SGCD: variants seen among roughly 807,000 people sequenced by gnomAD.
The protein encoded by SGCD is delta-sarcoglycan.
SGCD carries 18 observed loss-of-function variants against 36.6 expected under a neutral mutation model. The observed-to-expected ratio is 0.49, with a 90% CI of 0.34 to 0.73. SGCD has a LOEUF of 0.73. Ranked by LOEUF, SGCD falls within the 30% of genes least tolerant of loss-of-function variation. The probability of loss-of-function intolerance (pLI) is 0.01; values close to 1 mark genes in which losing one functional copy is unlikely to be tolerated. For missense variants in SGCD, 387 were observed against 346.7 expected (o/e 1.12, Z -0.92); for synonymous variants, 133 against 130.6 (o/e 1.02, Z -0.12).
chr5:156,580,387 T>C (rs1368086490), intron 4 of SGCD, among the ~76,000 whole-genome samples: 2 of 152,196 alleles, frequency 1.3e-5, no homozygotes, highest in Admixed American at 1.3e-4. Flanking sequence ...GACAATTATG[T>C]GTCTTGGGGT....
At chr5:156,335,854 C>T (rs1768326474) in intron 2 of SGCD, among the ~76,000 whole-genome samples, 1 of 152,186 alleles carries the variant, frequency 6.6e-6, no homozygotes, top group African/African-American at 2.4e-5. Context: ...CAGCTTCTCA[C>T]CCACCTGTCT....
At chr5:156,398,291 G>A (rs1178114359) in intron 3 of SGCD, among the ~76,000 whole-genome samples, 1 of 152,162 alleles carries the variant, frequency 6.6e-6, no homozygotes, top group Admixed American at 6.6e-5. Context: ...TGGAAAACCC[G>A]GAATGAAGAA....
At chr5:155,758,192 G>A in the SGCD span, among the ~76,000 whole-genome samples, 1 of 152,026 alleles carries the variant, frequency 6.6e-6, no homozygotes, top group Admixed American at 6.6e-5. Context: ...TTTAGAACAT[G>A]GGAAAAAGGA....
intron 4 of SGCD, among the ~76,000 whole-genome samples, chr5:156,531,162 C>T (rs1757874633): frequency 6.6e-6 from 1 of 152,176 alleles, no homozygotes; most frequent in Non-Finnish European, 1.5e-5. Context: ...CTCCTGTCTC[C>T]TCTTCTGCCA....
chr5:156,425,150 T>A (rs1235245212), intron 3 of SGCD, among the ~76,000 whole-genome samples: 1 of 152,090 alleles, frequency 6.6e-6, no homozygotes, highest in Non-Finnish European at 1.5e-5. Flanking sequence ...CCCAATACGT[T>A]AACTCTTTTC....
intron 3 of SGCD, among the ~76,000 whole-genome samples, chr5:156,372,305 T>C (rs2127740777): frequency 6.6e-6 from 1 of 152,374 alleles, no homozygotes; most frequent in African/African-American, 2.4e-5. Flanking sequence ...TAATCCATTA[T>C]TTGACTTGCA....
rs1760165785 is a variant in SGCD at position 156,060,141 on chromosome 5, A to C, written c.-281-57737A>C. 1.4e-5 allele frequency among the ~76,000 whole-genome samples: 2 copies of C among 146,504 alleles called. 1 individual carries two copies. Among genetic ancestry groups the C allele is most frequent in the Non-Finnish European group, 3.1e-5 (2 of 65,016 alleles). On this transcript the variant is annotated intron_variant, in intron 1 of 9. Transcript: ENST00000517913. ...CAGACTATTTCAAAGGAGTTTTAGAACCCCAATCGTCCAATTGCCTACTTC... is the reference window on the plus strand; with the variant it reads ...CAGACTATTTCAAAGGAGTTTTAGACCCCCAATCGTCCAATTGCCTACTTC...
chr5:156,073,685 A>G (rs1032937673), intron 1 of SGCD, among the ~76,000 whole-genome samples: 8 of 152,248 alleles, frequency 5.3e-5, no homozygotes, highest in Non-Finnish European at 1.0e-4. Flanking sequence ...GAGAAATTCA[A>G]GAGACTAAGC....
intron 7 of SGCD, among the ~76,000 whole-genome samples, chr5:156,687,563 T>C (rs1366958513): frequency 6.6e-6 from 1 of 152,152 alleles, no homozygotes; most frequent in African/African-American, 2.4e-5. Context: ...GCCCAAAATG[T>C]TACTGTTATC....
chr5:155,943,905 C>T (rs1386501050), intron 1 of SGCD, among the ~76,000 whole-genome samples: 1 of 152,176 alleles, frequency 6.6e-6, no homozygotes, highest in African/African-American at 2.4e-5. Flanking sequence ...AAAGCAGCCC[C>T]TTTATTGTCG....
intron 3 of SGCD, among the ~76,000 whole-genome samples, chr5:156,488,107 T>TTTTG (rs1554107891): frequency 2.1e-5 from 3 of 140,720 alleles, no homozygotes; most frequent in African/African-American, 8.2e-5. Flanking sequence ...GGTTTTTTTT[T>TTTTG]TTTTTTTTTT....
chr5:156,214,699 A>G (rs958044267), intron 3 of SGCD, among the ~76,000 whole-genome samples: 1 of 152,116 alleles, frequency 6.6e-6, no homozygotes, highest in Non-Finnish European at 1.5e-5. Flanking sequence ...TTCAAATTAT[A>G]TTTCAAAGCT....
At chr5:156,256,032 CATT>C in intron 3 of SGCD, among the ~76,000 whole-genome samples, 1 of 152,282 alleles carries the variant, frequency 6.6e-6, no homozygotes, top group African/African-American at 2.4e-5. Context: ...GTTCTGCTCA[CATT>C]ATATCTAAAT....
chr5:155,868,630 C>T (rs890015097), upstream of SGCD, among the ~76,000 whole-genome samples: 5 of 151,900 alleles, frequency 3.3e-5, no homozygotes, highest in African/African-American at 9.7e-5. Context: ...TCTAGCAAAA[C>T]CAGTCTGTAT....
At chr5:156,355,457 T>G (rs938456143) in intron 3 of SGCD, among the ~76,000 whole-genome samples, 2 of 151,212 alleles carry the variant, frequency 1.3e-5, no homozygotes, top group Admixed American at 1.3e-4. Context: ...TATTCTTAAT[T>G]GGAAAAGTTC....
At chr5:156,079,105 C>G (rs147568677) in intron 1 of SGCD, among the ~76,000 whole-genome samples, 47 of 151,146 alleles carry the variant, frequency 3.1e-4, no homozygotes, top group African/African-American at 1.0e-3. Context: ...TGGTGGAAGG[C>G]AAAGGGGGAG....
intron 7 of SGCD, among the ~76,000 whole-genome samples, chr5:156,753,381 C>T (rs1431266068): frequency 6.6e-6 from 1 of 152,174 alleles, no homozygotes; most frequent in African/African-American, 2.4e-5. Context: ...AACTGCCACT[C>T]CCATCAGGAG....
chr5:156,538,116 A>AAT (rs398109592), intron 4 of SGCD, among the ~76,000 whole-genome samples: 4 of 151,550 alleles, frequency 2.6e-5, no homozygotes, highest in Non-Finnish European at 4.4e-5. Flanking sequence ...AAAAAAAAAA[A>AAT]TACCATTGAC....
At chr5:156,287,621 G>A (rs953882018) in intron 3 of SGCD, among the ~76,000 whole-genome samples, 2 of 140,108 alleles carry the variant, frequency 1.4e-5, no homozygotes, top group African/African-American at 2.7e-5. Context: ...CTTTAGTTCC[G>A]TTTCTTTGTG....
Sources: gnomAD v4.1 joint callset for allele counts (sites outside exome capture counted in the v4.1 genomes callset) on GRCh38, gnomAD v4.1.1 for gene constraint, MANE v1.5 for transcripts, NCBI Gene and HGNC (gene_info 2026-07-23, HGNC 2026-07-21) for gene names.